The following NDST4 variants were observed in gnomAD, a reference collection of about 807,000 sequenced individuals.
NDST4 encodes N-deacetylase and N-sulfotransferase 4.
A neutral mutation model predicts 100.8 loss-of-function variants in NDST4; 63 were observed. The observed-to-expected ratio is 0.62, with a 90% CI of 0.51 to 0.77. The LOEUF (loss-of-function observed/expected upper bound fraction) is 0.77. Ranked by LOEUF, NDST4 falls within the 30% of genes least tolerant of loss-of-function variation. The probability of loss-of-function intolerance (pLI) is 0.00; values close to 1 mark genes in which losing one functional copy is unlikely to be tolerated. For synonymous variants in NDST4, 377 were observed against 361.8 expected (o/e 1.04, Z -0.48); for missense variants, 943 against 1,018.4 (o/e 0.93, Z 1.01).
chr4:115,014,815 T>A (rs187822701), intron 2 of NDST4, among the ~76,000 whole-genome samples: 515 of 152,192 alleles, frequency 3.4e-3, no homozygotes, highest in Admixed American at 5.8e-3. Flanking sequence ...TTTGGCCTAC[T>A]GGACCTTATT....
At chr4:114,940,584 G>T (rs1399135896) in intron 4 of NDST4, among the ~76,000 whole-genome samples, 1 of 152,172 alleles carries the variant, frequency 6.6e-6, no homozygotes, top group South Asian at 2.1e-4. Context: ...TCTGGGCACC[G>T]GCAGGAGTAG....
At chr4:115,055,082 G>A (rs1418280565) in intron 2 of NDST4, among the ~76,000 whole-genome samples, 2 of 151,994 alleles carry the variant, frequency 1.3e-5, no homozygotes, top group Non-Finnish European at 2.9e-5. Context: ...TCTCATAGGG[G>A]CGTGAACCCT....
intron 2 of NDST4, among the ~76,000 whole-genome samples, chr4:115,067,377 T>C (rs1356599290): frequency 2.0e-5 from 3 of 152,188 alleles, no homozygotes; most frequent in African/African-American, 2.4e-5. Flanking sequence ...GTTTACCAAA[T>C]ACAACAAACT....
rs150236951 is a variant in NDST4, at chr4:115,112,255, T to C, written c.-247+1189A>G. On this transcript the variant is annotated intron_variant, in intron 1 of 13. Coordinates refer to ENST00000264363, the MANE Select transcript of NDST4 (RefSeq NM_022569.3). ...TGGGAAAATTCATTGCTTCCTAGTT[T>C]TGGGGAAATTCAACCAATTACAATA... Among the ~76,000 whole-genome samples the C allele has an allele frequency of 3.6e-4, 54 of 151,910 alleles. 2 individuals are homozygous for C. In the East Asian group the frequency reaches 0.011, roughly 30 times the overall value.
chr4:115,108,397 C>G (rs1415352566), intron 1 of NDST4, among the ~76,000 whole-genome samples: 1 of 151,932 alleles, frequency 6.6e-6, no homozygotes, highest in Non-Finnish European at 1.5e-5. Flanking sequence ...GGAATAGAAT[C>G]AAGCCAAAGC....
rs1273320183 is a variant in NDST4, at chr4:114,929,070, GTCCGTCCATCCATCCA to G, written c.1536+6120_1536+6135del. ...CGTCCGTCCGTCCGTCCGTCCGTCC[GTCCGTCCATCCATCCA>G]TCCATCCATCCATCCATCCATCCAT... is the stretch of plus-strand genomic sequence containing the variant. On this transcript the variant is annotated intron_variant, in intron 6 of 13. Transcript: ENST00000264363. Among the ~76,000 whole-genome samples, 73 of 92,766 alleles carry G rather than the reference GTCCGTCCATCCATCCA, an allele frequency of 7.9e-4. 1 individual carries two copies. The highest frequency in any genetic ancestry group is 1.2e-3 in the Non-Finnish European group (47 of 39,984). 60.9% of individuals were successfully genotyped at this position (92,766 alleles called of 152,430 possible).
intron 1 of NDST4, among the ~76,000 whole-genome samples, chr4:115,100,939 T>C (rs1248594178): frequency 6.6e-6 from 1 of 152,052 alleles, no homozygotes; most frequent in Non-Finnish European, 1.5e-5. Flanking sequence ...GTTATGTTGT[T>C]TGTTAAAGAG....
chr4:115,030,090 T>C (rs752960227), intron 2 of NDST4, among the ~76,000 whole-genome samples: 5 of 152,116 alleles, frequency 3.3e-5, no homozygotes, highest in African/African-American at 7.2e-5. Flanking sequence ...AAAAGGAAGA[T>C]TCCTGTGTGA....
intron 2 of NDST4, among the ~76,000 whole-genome samples, chr4:115,017,981 G>A (rs1035759185): frequency 1.3e-5 from 2 of 151,858 alleles, no homozygotes; most frequent in South Asian, 4.1e-4. Context: ...AGGGTATGAT[G>A]TTATGATTTA....
In NDST4 at chr4:115,037,914, CA is replaced by C. The variant is rs528590172; in HGVS notation, c.978+38144del. Among the ~76,000 whole-genome samples the C allele has an allele frequency of 4.3e-4, 65 of 152,106 alleles. 1 individual carries two copies. In the East Asian group the frequency reaches 8.1e-3, roughly 19 times the overall value. ...GCAAGAGAAAAGGAAAGTGATATGGCAAAATAACAAACTTTAAGGTAAGTTC... is the reference window on the plus strand; with the variant it reads ...GCAAGAGAAAAGGAAAGTGATATGGCAAATAACAAACTTTAAGGTAAGTTC... On this transcript the variant is annotated intron_variant, in intron 2 of 13. Transcript: ENST00000264363.
chr4:115,105,830 A>C (rs184543864), intron 1 of NDST4, among the ~76,000 whole-genome samples: 7 of 152,228 alleles, frequency 4.6e-5, no homozygotes, highest in Admixed American at 4.6e-4. Context: ...AACATAAAAC[A>C]AATTCCTTTT....
Position 115,076,605 on chromosome 4 carries a change from T to G in NDST4, c.432A>C (p.Ser144=), listed in dbSNP as rs1180337132. 1 of 1,613,932 alleles carries G rather than the reference T, an allele frequency of 6.2e-7. No homozygotes were observed. The highest frequency in any genetic ancestry group is 8.5e-7 in the Non-Finnish European group (1 of 1,179,914). The change falls in exon 2 of 14, where the codon TCA becomes TCC. Residue 144 remains serine, a synonymous_variant. Coordinates refer to ENST00000264363, the MANE Select transcript of NDST4 (RefSeq NM_022569.3). The part of the protein sequence containing the change: ...ENILKYVSMD[S]WNRELLEKYC... Reference sequence around the variant, plus strand: ...ATTTTTCTAAAAGCTCTCGATTCCATGAGTCCATGCTGACATACTTCAGAA... The same window carrying G: ...ATTTTTCTAAAAGCTCTCGATTCCAGGAGTCCATGCTGACATACTTCAGAA...
Position 115,061,677 on chromosome 4 carries a change from G to T in NDST4, c.978+14382C>A, listed in dbSNP as rs547326205. On this transcript the variant is annotated intron_variant, in intron 2 of 13. Transcript: ENST00000264363. ...TAGGACAAATACCTAACGCATGCGGGGCTTAAAACCTAGATGACAGGTTGA... is the reference window on the plus strand; with the variant it reads ...TAGGACAAATACCTAACGCATGCGGTGCTTAAAACCTAGATGACAGGTTGA... Among the ~76,000 whole-genome samples the T allele has an allele frequency of 1.4e-4, 22 of 151,918 alleles. 1 individual carries two copies. In the East Asian group the frequency reaches 2.5e-3, roughly 17 times the overall value.
intron 2 of NDST4, among the ~76,000 whole-genome samples, chr4:115,027,499 A>G (rs1421466053): frequency 2.0e-5 from 3 of 152,142 alleles, no homozygotes; most frequent in African/African-American, 7.2e-5. Flanking sequence ...CTCCTTAGAA[A>G]GAGACTAGGG....
chr4:114,996,959 A>C (rs1302344887), intron 2 of NDST4, among the ~76,000 whole-genome samples: 1 of 152,100 alleles, frequency 6.6e-6, no homozygotes, highest in African/African-American at 2.4e-5. Context: ...ATGGTGCTGC[A>C]GGGTATTGTA....
At chr4:115,029,507 G>T (rs1010236460) in intron 2 of NDST4, among the ~76,000 whole-genome samples, 1 of 152,086 alleles carries the variant, frequency 6.6e-6, no homozygotes, top group Admixed American at 6.6e-5. Flanking sequence ...ACTGGGCCAG[G>T]TTCTACCTAG....
intron 12 of NDST4, among the ~76,000 whole-genome samples, chr4:114,831,772 C>T (rs965919250): frequency 5.3e-5 from 8 of 152,120 alleles, no homozygotes; most frequent in Admixed American, 4.6e-4. Context: ...GTCCTGGTTT[C>T]ATTTATTGCA....
chr4:114,954,524 T>C (rs1415531130), intron 4 of NDST4, among the ~76,000 whole-genome samples: 2 of 152,124 alleles, frequency 1.3e-5, no homozygotes. Context: ...AAATGGAAGA[T>C]AAGACTAGAA....
chr4:115,038,901 G>A (rs2126273098), intron 2 of NDST4, among the ~76,000 whole-genome samples: 1 of 152,222 alleles, frequency 6.6e-6, no homozygotes, highest in Non-Finnish European at 1.5e-5. Flanking sequence ...GCTCACTTGA[G>A]CCTGGGAGGT....
Sources: gnomAD v4.1 joint callset for allele counts (sites outside exome capture counted in the v4.1 genomes callset) on GRCh38, gnomAD v4.1.1 for gene constraint, MANE v1.5 for transcripts, NCBI Gene and HGNC (gene_info 2026-07-23, HGNC 2026-07-21) for gene names.